The following PRKN variants were observed in gnomAD, a reference collection of about 807,000 sequenced individuals.
The protein encoded by PRKN is parkin RBR E3 ubiquitin protein ligase.
PRKN carries 56 observed loss-of-function variants against 59.5 expected under a neutral mutation model. That is an observed-to-expected ratio of 0.94 (90% CI 0.76 to 1.18). The LOEUF is 1.18. Among genes scored for constraint, PRKN ranks in the 50% most tolerant of loss-of-function variants. The pLI, the probability that PRKN is intolerant of heterozygous loss-of-function variation, is 0.00. For missense variants in PRKN, 657 were observed against 596.4 expected, an observed-to-expected ratio of 1.10 and a Z score of -1.06; for synonymous variants, 250 against 222.1, an observed-to-expected ratio of 1.13 and a Z score of -1.12.
At chr6:162,394,439 G>A (rs1335311331) in intron 2 of PRKN, among the ~76,000 whole-genome samples, 1 of 152,172 alleles carries the variant, frequency 6.6e-6, no homozygotes, top group Non-Finnish European at 1.5e-5. Flanking sequence ...AGTACTCGAT[G>A]TAATTGTAAT....
At chr6:162,097,862 A>G (rs1779807450) in intron 4 of PRKN, among the ~76,000 whole-genome samples, 1 of 152,216 alleles carries the variant, frequency 6.6e-6, no homozygotes, top group African/African-American at 2.4e-5. Flanking sequence ...ACCAACGAAA[A>G]GCTTCCAATG....
chr6:161,961,647 C>G (rs968091576), intron 6 of PRKN, among the ~76,000 whole-genome samples: 4 of 152,140 alleles, frequency 2.6e-5, no homozygotes, highest in Non-Finnish European at 4.4e-5. Flanking sequence ...AGAGTGTCCC[C>G]GTCGACGGCT....
intron 2 of PRKN, among the ~76,000 whole-genome samples, chr6:162,389,018 A>AAC (rs1319381385): frequency 1.8e-4 from 27 of 149,326 alleles, no homozygotes; most frequent in African/African-American, 4.5e-4. Flanking sequence ...AAAAAAAAAA[A>AAC]AAAAAACAAA....
intron 7 of PRKN, among the ~76,000 whole-genome samples, chr6:161,616,828 G>C (rs978106320): frequency 6.6e-6 from 1 of 152,106 alleles, no homozygotes; most frequent in Non-Finnish European, 1.5e-5. Flanking sequence ...ATTTGGGTTG[G>C]TTCCAAGTCT....
chr6:162,216,552 A>G (rs1018259535), intron 3 of PRKN, among the ~76,000 whole-genome samples: 1 of 150,704 alleles, frequency 6.6e-6, no homozygotes, highest in African/African-American at 2.4e-5. Context: ...AAAAAAAAAA[A>G]AAAAAAAAAA....
chr6:161,786,612 T>C (rs1790430529), intron 6 of PRKN, among the ~76,000 whole-genome samples: 1 of 152,110 alleles, frequency 6.6e-6, no homozygotes, highest in Non-Finnish European at 1.5e-5. Context: ...AATTCCTTGG[T>C]AATTTAATTA....
chr6:162,477,439 AT>A (rs1227072164), intron 1 of PRKN, among the ~76,000 whole-genome samples: 1 of 152,188 alleles, frequency 6.6e-6, no homozygotes, highest in African/African-American at 2.4e-5. Context: ...TTTTGACAGC[AT>A]CTATACTCCT....
chr6:162,379,810 A>G (rs952266338), intron 2 of PRKN, among the ~76,000 whole-genome samples: 1 of 152,202 alleles, frequency 6.6e-6, no homozygotes, highest in Admixed American at 6.5e-5. Context: ...TGTAAATGAA[A>G]TGGAGCATTT....
At chr6:162,105,486 C>T (rs976440593) in intron 4 of PRKN, among the ~76,000 whole-genome samples, 3 of 152,210 alleles carry the variant, frequency 2.0e-5, no homozygotes, top group Non-Finnish European at 2.9e-5. Context: ...ACTGCAACCT[C>T]CACTTCCTGG....
intron 10 of PRKN, among the ~76,000 whole-genome samples, chr6:161,367,618 C>A (rs967099886): frequency 6.6e-6 from 1 of 152,156 alleles, no homozygotes; most frequent in Non-Finnish European, 1.5e-5. Flanking sequence ...GTTCCTCAAA[C>A]GCTACTTGTG....
intron 6 of PRKN, among the ~76,000 whole-genome samples, chr6:161,839,386 C>T (rs1239954527): frequency 6.6e-6 from 1 of 152,044 alleles, no homozygotes. Flanking sequence ...ATAAGCAAAT[C>T]ACTGGGAATT....
chr6:161,420,641 C>T (rs1238333938), intron 9 of PRKN, among the ~76,000 whole-genome samples: 1 of 152,068 alleles, frequency 6.6e-6, no homozygotes, highest in East Asian at 1.9e-4. Flanking sequence ...GCGTCCTGAG[C>T]TGGGACCACA....
chr6:162,380,429 G>T (rs1474464423), intron 2 of PRKN, among the ~76,000 whole-genome samples: 2 of 119,486 alleles, frequency 1.7e-5, no homozygotes, highest in African/African-American at 3.4e-5. Context: ...ATATATATAT[G>T]TGTGTATATA....
Position 161,409,334 on chromosome 6 carries a change from C to T in PRKN, c.1084-22457G>A, listed in dbSNP as rs942357656. ...GGACAGAAAATCTCTGAGACGATGA[C>T]AGCATTGTGTGTTCTCTAAAGCGCC... On this transcript the variant is annotated intron_variant, in intron 9 of 11. Transcript: ENST00000366898. This position sits in a 1 kb window ranked among gnomAD's most constrained non-coding sequence, Gnocchi z 4.6. Among the ~76,000 whole-genome samples, 10 of 152,184 alleles carry T rather than the reference C, an allele frequency of 6.6e-5. No homozygotes were observed. Among genetic ancestry groups the T allele is most frequent in the African/African-American group, 2.4e-4 (10 of 41,432 alleles).
chr6:162,081,619 G>C (rs1368485610), intron 4 of PRKN, among the ~76,000 whole-genome samples: 2 of 152,096 alleles, frequency 1.3e-5, no homozygotes, highest in Non-Finnish European at 2.9e-5. Flanking sequence ...ATAGAGCACA[G>C]GCACAGTAAA....
intron 2 of PRKN, among the ~76,000 whole-genome samples, chr6:162,287,482 C>T (rs869779): frequency 0.071 from 10,840 of 152,064 alleles, 1,086 homozygotes; most frequent in East Asian, 0.5. Flanking sequence ...GTGGGAGGAT[C>T]GCTTGAGTCT....
chr6:161,591,029 C>T (rs981023893), intron 7 of PRKN, among the ~76,000 whole-genome samples: 3 of 152,098 alleles, frequency 2.0e-5, no homozygotes, highest in Non-Finnish European at 4.4e-5. Flanking sequence ...TGACTTCGAT[C>T]ATTATACTGT....
chr6:162,312,005 T>TA (rs1310457743), intron 2 of PRKN, among the ~76,000 whole-genome samples: 1 of 152,122 alleles, frequency 6.6e-6, no homozygotes, highest in Admixed American at 6.5e-5. Flanking sequence ...CGTACACACT[T>TA]ATACACCATG....
chr6:162,387,456 A>C (rs1583482492), intron 2 of PRKN, among the ~76,000 whole-genome samples: 1 of 151,854 alleles, frequency 6.6e-6, no homozygotes, highest in East Asian at 1.9e-4. Flanking sequence ...AACGATAATA[A>C]TTGCTCAAAT....
Sources: gnomAD v4.1 joint callset for allele counts (sites outside exome capture counted in the v4.1 genomes callset) on GRCh38, gnomAD v4.1.1 for gene constraint, Gnocchi (gnomAD v3.1) non-coding constraint, MANE v1.5 for transcripts, NCBI Gene and HGNC (gene_info 2026-07-23, HGNC 2026-07-21) for gene names.